Variants in GNB1 observed in about 807,000 individuals in gnomAD.
GNB1 encodes guanine nucleotide-binding protein G(I)/G(S)/G(T) subunit beta-1.
Under a neutral mutation model 42.9 loss-of-function variants are expected in GNB1, and 2 were observed. That is an observed-to-expected ratio of 0.05 (90% CI 0.02 to 0.15). The LOEUF (loss-of-function observed/expected upper bound fraction) is 0.15. Among genes scored for constraint, GNB1 ranks in the 10% least tolerant of loss-of-function variants. GNB1 has a pLI of 1.00. For missense variants in GNB1, 193 were observed against 462.2 expected (o/e 0.42, Z 5.34); for synonymous variants, 183 against 174.7 (o/e 1.05, Z -0.38).
chr1:1,885,622 T>G (rs1288283257), intron 1 of GNB1, among the ~76,000 whole-genome samples: 1 of 139,850 alleles, frequency 7.2e-6, no homozygotes, highest in Non-Finnish European at 1.5e-5. Flanking sequence ...AGTAGCACGA[T>G]CTCGGCTCAC....
At chr1:1,862,819 G>A (rs1283704428) in intron 1 of GNB1, among the ~76,000 whole-genome samples, 1 of 152,110 alleles carries the variant, frequency 6.6e-6, no homozygotes, top group African/African-American at 2.4e-5. Context: ...GGAAGCTGAG[G>A]AGGGCTCCCC....
At position 1,843,422 on chromosome 1, in the gene GNB1, T is replaced by C. The variant is rs566956749; in HGVS notation, c.-95-4184A>G. The stretch of plus-strand genomic sequence containing the variant: ...TATATATATTTGTAGACATGGGGTC[T>C]TGCCATACTGCGCAGGCTGGTCTTT... On this transcript the variant is annotated intron_variant, in intron 1 of 11. Transcript: ENST00000378609. Among the ~76,000 whole-genome samples the C allele has an allele frequency of 5.3e-5, 8 of 152,200 alleles. No homozygotes were observed. The East Asian group carries it at 1.4e-3, about 26-fold the overall frequency.
rs1035794311 is a variant in GNB1 at position 1,843,434 on chromosome 1, G to A, written c.-95-4196C>T. Among the ~76,000 whole-genome samples the A allele has an allele frequency of 5.9e-5, 9 of 152,104 alleles. No homozygotes were observed. In the South Asian group the frequency reaches 1.0e-3, roughly 18 times the overall value. On this transcript the variant is annotated intron_variant, in intron 1 of 11. Transcript: ENST00000378609. ...TAGACATGGGGTCTTGCCATACTGC[G>A]CAGGCTGGTCTTTAACTCCTGGGCT...
intron 3 of GNB1, among the ~76,000 whole-genome samples, chr1:1,824,455 A>G (rs1019776025): frequency 1.3e-5 from 2 of 152,210 alleles, no homozygotes; most frequent in Non-Finnish European, 2.9e-5. Flanking sequence ...ATAAAAGTTT[A>G]TGAACTCTGC....
At chr1:1,886,787 G>C (rs1650180617) in intron 1 of GNB1, among the ~76,000 whole-genome samples, 1 of 152,152 alleles carries the variant, frequency 6.6e-6, no homozygotes, top group African/African-American at 2.4e-5. Flanking sequence ...CTCACTGCAA[G>C]CTCCCCCTCC....
chr1:1,838,518 C>T (rs1647181716), intron 2 of GNB1, among the ~76,000 whole-genome samples: 1 of 150,742 alleles, frequency 6.6e-6, no homozygotes, highest in African/African-American at 2.4e-5. Context: ...GATCTTGGCT[C>T]ACTGCAAGCT....
intron 1 of GNB1, among the ~76,000 whole-genome samples, chr1:1,864,932 T>C (rs962231260): frequency 6.6e-6 from 1 of 152,136 alleles, no homozygotes; most frequent in African/African-American, 2.4e-5. Flanking sequence ...TTGTACAGAG[T>C]TATGAAGAGT....
chr1:1,868,514 T>C (rs7516995), intron 1 of GNB1, among the ~76,000 whole-genome samples: 133,538 of 152,134 alleles, frequency 0.88, 59,390 homozygotes, highest in Non-Finnish European at 0.95. Flanking sequence ...CGGGCACAGT[T>C]GCTCACGCCT....
chr1:1,851,875 G>A lies in GNB1; in HGVS notation c.-95-12637C>T, dbSNP rs565199805. ...CCTGACCAACACGGAGAAACCCCAT[G>A]TCTACTAAAAATACGAAATCAGCCG... On this transcript the variant is annotated intron_variant, in intron 1 of 11. Transcript: ENST00000378609. Among the ~76,000 whole-genome samples, 5 of 151,482 alleles carry A rather than the reference G, an allele frequency of 3.3e-5. No homozygotes were observed. The South Asian group carries it at 8.4e-4, about 25-fold the overall frequency.
Position 1,790,666 on chromosome 1 carries a change from A to C in GNB1, c.498-70T>G. On this transcript the variant is annotated intron_variant, in intron 8 of 11. Coordinates refer to ENST00000378609, the MANE Select transcript of GNB1 (RefSeq NM_002074.5). The surrounding 1 kb of genome is among the most constrained non-coding windows in gnomAD (Gnocchi z 5.4). Reference sequence around the variant, plus strand: ...TGGGTGGCTAGTCATGTGACAGACAATCTGTCCTTCAAACCACCCAGGGCC... The same window carrying C: ...TGGGTGGCTAGTCATGTGACAGACACTCTGTCCTTCAAACCACCCAGGGCC... The C allele has an allele frequency of 9.2e-7, 1 of 1,082,548 alleles. No individual in the cohort carries two copies. The highest frequency in any genetic ancestry group is 1.4e-6 in the Non-Finnish European group (1 of 710,588). 67.1% of individuals were successfully genotyped at this position (1,082,548 alleles called of 1,614,324 possible).
chr1:1,799,871 G>A (rs1470126341), intron 7 of GNB1, among the ~76,000 whole-genome samples: 1 of 152,166 alleles, frequency 6.6e-6, no homozygotes, highest in Non-Finnish European at 1.5e-5. Context: ...AAAGCGAAAG[G>A]ATAACAACTA....
At chr1:1,877,810 G>A (rs1649632101) in intron 1 of GNB1, among the ~76,000 whole-genome samples, 1 of 152,168 alleles carries the variant, frequency 6.6e-6, no homozygotes, top group Non-Finnish European at 1.5e-5. Context: ...CAAGAAGAGT[G>A]GCTAGAATAG....
chr1:1,834,221 G>C (rs531736532), intron 2 of GNB1, among the ~76,000 whole-genome samples: 1 of 152,104 alleles, frequency 6.6e-6, no homozygotes, highest in Non-Finnish European at 1.5e-5. Flanking sequence ...TCTCCAGGGA[G>C]GGGTCTAACA....
chr1:1,817,097 T>G (rs1013063702), intron 4 of GNB1, among the ~76,000 whole-genome samples: 21 of 152,084 alleles, frequency 1.4e-4, no homozygotes, highest in African/African-American at 4.8e-4. Context: ...CCTGTTCACT[T>G]CCTCTCCCTC....
intron 1 of GNB1, among the ~76,000 whole-genome samples, chr1:1,876,037 C>A (rs532677572): frequency 6.6e-6 from 1 of 152,260 alleles, no homozygotes; most frequent in East Asian, 1.9e-4. Context: ...GACTCCTCTA[C>A]AAGCCACACT....
intron 2 of GNB1, among the ~76,000 whole-genome samples, chr1:1,830,402 C>A (rs890383988): frequency 6.6e-6 from 1 of 151,974 alleles, no homozygotes; most frequent in Non-Finnish European, 1.5e-5. Flanking sequence ...GCTGGGACTA[C>A]AGGCGCCCGC....
rs1244443064 is a variant in GNB1 at position 1,786,040 on chromosome 1, C to T, written c.*1023G>A. The T allele has an allele frequency of 7.5e-6, 3 of 398,428 alleles. No individual in the cohort carries two copies. The highest frequency in any genetic ancestry group is 6.2e-5 in the African/African-American group (3 of 48,528). 24.7% of individuals were successfully genotyped at this position (398,428 alleles called of 1,614,324 possible). ...CATGCGATTCTAAGAGTAAACCCAC[C>T]CAATATGGCAAACAATCAAAATTTT... On this transcript the variant is annotated 3_prime_UTR_variant, in exon 12 of 12. Transcript: ENST00000378609.
At chr1:1,856,585 G>A (rs748250703) in intron 1 of GNB1, among the ~76,000 whole-genome samples, 1 of 152,058 alleles carries the variant, frequency 6.6e-6, no homozygotes, top group African/African-American at 2.4e-5. Context: ...GCGCTACGAC[G>A]CCCAGCTAAC....
intron 6 of GNB1, among the ~76,000 whole-genome samples, chr1:1,805,825 A>C (rs897215380): frequency 1.3e-5 from 2 of 152,198 alleles, no homozygotes; most frequent in Non-Finnish European, 2.9e-5. Flanking sequence ...TACAGGTGTG[A>C]GCCACGGCGC....
Sources: gnomAD v4.1 joint callset for allele counts (sites outside exome capture counted in the v4.1 genomes callset) on GRCh38, gnomAD v4.1.1 for gene constraint, Gnocchi (gnomAD v3.1) non-coding constraint, MANE v1.5 for transcripts, NCBI Gene and HGNC (gene_info 2026-07-23, HGNC 2026-07-21) for gene names.